Variants in CAST observed in about 807,000 individuals in gnomAD.
The protein encoded by CAST is calpastatin.
A neutral mutation model predicts 119.6 loss-of-function variants in CAST; 76 were observed. That is an observed-to-expected ratio of 0.64 (90% CI 0.53 to 0.77). The LOEUF is 0.77. Ranked by LOEUF, CAST falls within the 30% of genes least tolerant of loss-of-function variation. The pLI is 0.00. For synonymous variants in CAST, 319 were observed against 331.6 expected (o/e 0.96, Z 0.41); for missense variants, 953 against 946.5 (o/e 1.01, Z -0.09).
chr5:96,573,953 T>C (rs1346985616), intron 1 of CAST, among the ~76,000 whole-genome samples: 1 of 152,204 alleles, frequency 6.6e-6, no homozygotes, highest in Non-Finnish European at 1.5e-5. Flanking sequence ...TTTGATTCAT[T>C]TTTATTGCTA....
chr5:96,287,243 C>G, the CAST span, among the ~76,000 whole-genome samples: 3 of 152,086 alleles, frequency 2.0e-5, no homozygotes, highest in Non-Finnish European at 2.9e-5. Context: ...ATTCTTCCCC[C>G]CTCCCCTTTC....
At chr5:96,654,211 G>C (rs1234156865) in intron 1 of CAST, among the ~76,000 whole-genome samples, 1 of 151,778 alleles carries the variant, frequency 6.6e-6, no homozygotes, top group Non-Finnish European at 1.5e-5. Flanking sequence ...ATTTTTAGTA[G>C]AGACAGGATT....
At chr5:96,327,976 C>T in the CAST span, among the ~76,000 whole-genome samples, 5 of 152,170 alleles carry the variant, frequency 3.3e-5, no homozygotes, top group Admixed American at 1.3e-4. Flanking sequence ...TCCTGCCATC[C>T]GGCTTCCTCC....
chr5:96,413,035 T>A, the CAST span: 1 of 812,156 alleles, frequency 1.2e-6, no homozygotes, highest in Non-Finnish European at 1.5e-6. Context: ...AGGAAACATG[T>A]AGCTTCAAAA....
At chr5:96,049,889 C>CAAAAAAAAAAAAA in the CAST span, among the ~76,000 whole-genome samples, 356 of 34,230 alleles carry the variant, frequency 0.01, 7 homozygotes, top group Admixed American at 0.014. Flanking sequence ...GAACAGGAGG[C>CAAAAAAAAAAAAA]AAAAAAAAAA....
chr5:96,399,676 GGTTGATCACA>G, the CAST span, among the ~76,000 whole-genome samples: 1 of 152,130 alleles, frequency 6.6e-6, no homozygotes, highest in African/African-American at 2.4e-5. Context: ...ACTGATGGGT[GGTTGATCACA>G]GTTTAATTGA....
chr5:96,487,243 C>T, the CAST span, among the ~76,000 whole-genome samples: 2 of 152,190 alleles, frequency 1.3e-5, no homozygotes, highest in African/African-American at 2.4e-5. Context: ...TACAACAGAG[C>T]CACGGCCTAT....
intron 1 of CAST, among the ~76,000 whole-genome samples, chr5:96,534,746 A>AG (rs1491295019): frequency 0.012 from 226 of 18,342 alleles, 41 homozygotes; most frequent in Non-Finnish European, 0.02. Context: ...AGAGAGAAAG[A>AG]AAGAAAGAAA....
the CAST span, among the ~76,000 whole-genome samples, chr5:96,043,620 C>T: frequency 7.2e-5 from 11 of 152,158 alleles, no homozygotes; most frequent in Admixed American, 4.6e-4. Context: ...CATAGTCTCC[C>T]ATTAACATCT....
At chr5:96,556,202 C>G (rs867493475) in intron 1 of CAST, among the ~76,000 whole-genome samples, 13 of 152,280 alleles carry the variant, frequency 8.5e-5, no homozygotes, top group African/African-American at 2.9e-4. Flanking sequence ...CACCAAAACC[C>G]CATCTGTACA....
chr5:96,432,712 C>G, the CAST span: 1 of 662,790 alleles, frequency 1.5e-6, no homozygotes, highest in Non-Finnish European at 2.7e-6. Context: ...TCTCTCCAAG[C>G]GCGACAGGGG....
chr5:96,158,661 C>T, the CAST span, among the ~76,000 whole-genome samples: 2 of 152,180 alleles, frequency 1.3e-5, no homozygotes, highest in African/African-American at 4.8e-5. Flanking sequence ...ACATATTTGA[C>T]ACTTTATTTG....
chr5:96,625,344 C>T (rs111618478), intron 1 of CAST, among the ~76,000 whole-genome samples: 43 of 151,422 alleles, frequency 2.8e-4, no homozygotes, highest in African/African-American at 6.9e-4. Flanking sequence ...TATGAATTTC[C>T]CCTTTATCTT....
At chr5:96,143,945 G>A in the CAST span, among the ~76,000 whole-genome samples, 1 of 152,042 alleles carries the variant, frequency 6.6e-6, no homozygotes, top group Non-Finnish European at 1.5e-5. Context: ...TAAATAATGA[G>A]AATTAGGCAA....
the CAST span, among the ~76,000 whole-genome samples, chr5:96,106,673 C>G: frequency 7.9e-3 from 1,189 of 149,968 alleles, 6 homozygotes; most frequent in Non-Finnish European, 0.012. Flanking sequence ...TAGGTGTGGT[C>G]TGGTGCTGAA....
At chr5:96,592,515 T>C (rs1746980610) in intron 1 of CAST, among the ~76,000 whole-genome samples, 1 of 152,218 alleles carries the variant, frequency 6.6e-6, no homozygotes, top group Non-Finnish European at 1.5e-5. Flanking sequence ...TTTCTCACTT[T>C]TTTATTTTAA....
chr5:96,632,962 G>A (rs181548618), intron 1 of CAST, among the ~76,000 whole-genome samples: 158 of 152,176 alleles, frequency 1.0e-3, no homozygotes, highest in Non-Finnish European at 1.7e-3. Context: ...TTTTTTTAAA[G>A]TTTTTGGTTT....
intron 12 of CAST, 101 bp downstream of exon 12, chr5:96,740,219 G>T (rs1302896330): frequency 3.1e-6 from 2 of 641,440 alleles, no homozygotes; most frequent in East Asian, 2.9e-5. Context: ...AAATATAATG[G>T]TGCTTGTGAA....
At chr5:96,516,111 C>T in the CAST span, among the ~76,000 whole-genome samples, 1 of 33,956 alleles carries the variant, frequency 2.9e-5, no homozygotes, top group Non-Finnish European at 7.2e-5. Context: ...CACTAAGTTG[C>T]AGAAGAATTA....
Sources: allele counts gnomAD v4.1 joint callset (sites outside exome capture counted in the v4.1 genomes callset), GRCh38; gene constraint gnomAD v4.1.1; transcripts MANE v1.5; gene names NCBI Gene and HGNC (gene_info 2026-07-23, HGNC 2026-07-21).